The following SMARCA2 variants were observed in gnomAD, a reference collection of about 807,000 sequenced individuals.
The protein encoded by SMARCA2 is SWI/SNF-related matrix-associated actin-dependent regulator of chromatin subfamily A member 2.
SMARCA2 carries 61 observed loss-of-function variants against 199.8 expected under a neutral mutation model. The ratio of observed to expected loss-of-function variants is 0.31; its 90% CI spans 0.25 to 0.38. SMARCA2 has a LOEUF of 0.38. Ranked by LOEUF, SMARCA2 falls within the 10% of genes least tolerant of loss-of-function variation. The pLI is 1.00. For missense variants in SMARCA2, 1,344 were observed against 2,012.2 expected, an observed-to-expected ratio of 0.67 and a Z score of 6.35; for synonymous variants, 935 against 732.0, an observed-to-expected ratio of 1.28 and a Z score of -4.48.
Position 2,104,199 on chromosome 9 carries a change from C to A in SMARCA2, c.3292+30C>A, listed in dbSNP as rs749863756. The A allele has an allele frequency of 8.8e-6, 14 of 1,587,772 alleles. No individual in the cohort carries two copies. The highest frequency in any genetic ancestry group is 3.4e-5 in the South Asian group (3 of 88,510). ...GTGCATAAGGCATTAGGCTCGGAAGCCATACTACTGAAAATGAAGGGATAA... is the reference window on the plus strand; with the variant it reads ...GTGCATAAGGCATTAGGCTCGGAAGACATACTACTGAAAATGAAGGGATAA... On this transcript the variant is annotated intron_variant, in intron 23 of 33. Coordinates refer to ENST00000349721, the MANE Select transcript of SMARCA2 (RefSeq NM_003070.5). This position sits in a 1 kb window ranked among gnomAD's most constrained non-coding sequence, Gnocchi z 4.0.
chr9:2,138,169 A>C (rs117983343), intron 27 of SMARCA2, among the ~76,000 whole-genome samples: 3,625 of 129,872 alleles, frequency 0.028, 83 homozygotes, highest in Non-Finnish European at 0.033. Context: ...CTTCAGCAAA[A>C]AACAACAACA....
intron 19 of SMARCA2, among the ~76,000 whole-genome samples, chr9:2,091,371 TA>T (rs753543574): frequency 6.6e-6 from 1 of 152,260 alleles, no homozygotes; most frequent in Non-Finnish European, 1.5e-5. Context: ...TAAGACAATG[TA>T]TAACCTTTTG....
intron 4 of SMARCA2, chr9:2,041,374 A>C: frequency 2.5e-6 from 1 of 398,632 alleles, no homozygotes; most frequent in Non-Finnish European, 4.4e-6. Flanking sequence ...CAGCAGATTC[A>C]GTGTCTGGTG....
chr9:2,183,041 T>G lies in SMARCA2; in HGVS notation c.4461+799T>G, dbSNP rs571674597. On this transcript the variant is annotated intron_variant, in intron 31 of 33. Transcript: ENST00000349721. ...CCTGACCTCAGGTGATCTGCCCACC[T>G]CAGCCTCCCAAAGTGCTGGGATTAC... Among the ~76,000 whole-genome samples the G allele has an allele frequency of 2.0e-5, 3 of 152,322 alleles. No homozygotes were observed. The East Asian group carries it at 5.8e-4, about 29-fold the overall frequency.
intron 19 of SMARCA2, among the ~76,000 whole-genome samples, chr9:2,093,595 T>C (rs542657722): frequency 6.6e-6 from 1 of 152,326 alleles, no homozygotes; most frequent in Middle Eastern, 3.4e-3. Flanking sequence ...TAGTATGATC[T>C]GATTTTAACT....
In SMARCA2 at chr9:2,170,067, T is replaced by C. The variant is rs1282934052; in HGVS notation, c.4200-352T>C. Among the ~76,000 whole-genome samples the C allele has an allele frequency of 2.0e-5, 3 of 152,172 alleles. No homozygotes were observed. Among genetic ancestry groups the C allele is most frequent in the South Asian group, 4.1e-4 (2 of 4,830 alleles). On this transcript the variant is annotated intron_variant, in intron 28 of 33. Coordinates refer to ENST00000349721, the MANE Select transcript of SMARCA2 (RefSeq NM_003070.5). This position sits in a 1 kb window ranked among gnomAD's most constrained non-coding sequence, Gnocchi z 4.7. The stretch of plus-strand genomic sequence containing the variant: ...AATGAGGGGCTAAACTCAGATAGAC[T>C]AGCACTACCTTCCCAAGATCACACG...
chr9:2,128,426 T>C (rs1823793265), intron 27 of SMARCA2, among the ~76,000 whole-genome samples: 1 of 152,204 alleles, frequency 6.6e-6, no homozygotes, highest in Non-Finnish European at 1.5e-5. Context: ...ATGGTGCTCT[T>C]AGCTCTTTTG....
rs1820378569 is a variant in SMARCA2, at chr9:2,056,902, C to T, written c.1347+57C>T. Reference sequence around the variant, plus strand: ...CTTTGGCAGAGCTGTCCAATGAATTCATCAAATGGGGTCAGAATGACTGAA... The same window carrying T: ...CTTTGGCAGAGCTGTCCAATGAATTTATCAAATGGGGTCAGAATGACTGAA... On this transcript the variant is annotated intron_variant, in intron 7 of 33. Transcript: ENST00000349721. This position sits in a 1 kb window ranked among gnomAD's most constrained non-coding sequence, Gnocchi z 4.0. 2 of 1,513,108 alleles carry T rather than the reference C, an allele frequency of 1.3e-6. No homozygotes were observed. Among genetic ancestry groups the T allele is most frequent in the Non-Finnish European group, 1.8e-6 (2 of 1,106,718 alleles). 93.7% of individuals were successfully genotyped at this position (1,513,108 alleles called of 1,614,324 possible).
chr9:2,080,383 TTC>T (rs1478737962), intron 14 of SMARCA2, among the ~76,000 whole-genome samples: 1 of 152,202 alleles, frequency 6.6e-6, no homozygotes, highest in East Asian at 1.9e-4. Flanking sequence ...TAGTTTCTAC[TTC>T]TGTTTTGTAT....
At chr9:2,033,105 T>C (rs1819148364) in intron 3 of SMARCA2, 24 bp downstream of exon 3, 3 of 1,609,438 alleles carry the variant, frequency 1.9e-6, no homozygotes, top group Non-Finnish European at 2.5e-6. Context: ...GCACACCTGA[T>C]ACTGGTTCCC....
chr9:2,052,391 G>A (rs959452000), intron 5 of SMARCA2, among the ~76,000 whole-genome samples: 2 of 152,170 alleles, frequency 1.3e-5, no homozygotes, highest in African/African-American at 4.8e-5. Context: ...CAGGAGAATC[G>A]CTTGAACCTG....
chr9:2,121,481 C>T (rs1349942045), intron 26 of SMARCA2, among the ~76,000 whole-genome samples: 1 of 152,198 alleles, frequency 6.6e-6, no homozygotes, highest in Non-Finnish European at 1.5e-5. Context: ...CTTAGCACCT[C>T]CACTTGGGGG....
intron 29 of SMARCA2, among the ~76,000 whole-genome samples, chr9:2,173,929 A>T (rs1826394923): frequency 6.6e-6 from 1 of 152,166 alleles, no homozygotes; most frequent in South Asian, 2.1e-4. Context: ...ATCTGCTCGG[A>T]GATGTGGACT....
chr9:2,114,340 T>C (rs2130594250), intron 24 of SMARCA2, among the ~76,000 whole-genome samples: 1 of 152,356 alleles, frequency 6.6e-6, no homozygotes, highest in Non-Finnish European at 1.5e-5. Flanking sequence ...TTTTGCCTAA[T>C]TGGCTACTTA....
At chr9:2,072,783 G>A (rs1367158054) in intron 10 of SMARCA2, among the ~76,000 whole-genome samples, 1 of 152,206 alleles carries the variant, frequency 6.6e-6, no homozygotes, top group African/African-American at 2.4e-5. Context: ...CCTGACTCAG[G>A]GCTATCCCCA....
rs185632596 is a variant in SMARCA2, at chr9:2,118,788, A to G, written c.3685-670A>G. Among the ~76,000 whole-genome samples the G allele has an allele frequency of 1.4e-3, 217 of 152,260 alleles. 1 individual carries two copies. The highest frequency in any genetic ancestry group is 2.7e-3 in the Non-Finnish European group (187 of 68,024). On this transcript the variant is annotated intron_variant, in intron 25 of 33. Transcript: ENST00000349721. The stretch of plus-strand genomic sequence containing the variant: ...AAATGAAAATTTTAGCCCATATGTA[A>G]TTGCTTTCTCTGCTTCATTTAAATT...
At chr9:2,177,937 A>G (rs962772812) in intron 29 of SMARCA2, among the ~76,000 whole-genome samples, 2 of 152,214 alleles carry the variant, frequency 1.3e-5, no homozygotes, top group African/African-American at 2.4e-5. Flanking sequence ...ACATTTATGT[A>G]AAGTTTATAA....
Position 2,123,974 on chromosome 9 carries a change from G to A in SMARCA2, c.3981+37G>A, listed in dbSNP as rs372219258. The stretch of plus-strand genomic sequence containing the variant: ...TTTTCTAACCCGCTCTCACTAGGTG[G>A]AGGGTTTTTGGTGGCTTGGAGAAAC... On this transcript the variant is annotated intron_variant, in intron 27 of 33. Coordinates refer to ENST00000349721, the MANE Select transcript of SMARCA2 (RefSeq NM_003070.5). The surrounding 1 kb of genome is among the most constrained non-coding windows in gnomAD (Gnocchi z 4.1). The A allele has an allele frequency of 6.6e-7, 1 of 1,521,200 alleles. No homozygotes were observed. Among genetic ancestry groups the A allele is most frequent in the Non-Finnish European group, 8.9e-7 (1 of 1,120,928 alleles). The allele number at this position is 1,521,200 out of a possible 1,614,324, so 94.2% of individuals were successfully genotyped here.
chr9:2,181,402 G>A (rs1205676215), intron 29 of SMARCA2, 169 bp from the exon 30 acceptor site: 2 of 546,326 alleles, frequency 3.7e-6, no homozygotes, highest in African/African-American at 1.9e-5. Context: ...ATTATCACAA[G>A]GGACATCAAT....
Sources: gnomAD v4.1 joint callset for allele counts (sites outside exome capture counted in the v4.1 genomes callset) on GRCh38, gnomAD v4.1.1 for gene constraint, Gnocchi (gnomAD v3.1) non-coding constraint, MANE v1.5 for transcripts, NCBI Gene and HGNC (gene_info 2026-07-23, HGNC 2026-07-21) for gene names.